Variants in GBE1 observed in about 807,000 individuals in gnomAD.
GBE1 encodes 1,4-alpha-glucan branching enzyme 1.
In GBE1, 70 loss-of-function variants were observed where a neutral mutation model predicts 88.8. The ratio of observed to expected loss-of-function variants is 0.79; its 90% CI spans 0.65 to 0.96. The LOEUF is 0.96. Ranked by LOEUF, GBE1 falls within the 40% of genes least tolerant of loss-of-function variation. The pLI is 0.00. For synonymous variants in GBE1, 284 were observed against 300.1 expected, an observed-to-expected ratio of 0.95 and a Z score of 0.56; for missense variants, 872 against 871.0, an observed-to-expected ratio of 1.00 and a Z score of -0.01.
At chr3:81,499,023 T>A (rs951322749) in intron 15 of GBE1, 87 bp downstream of exon 15, 90 of 765,994 alleles carry the variant, frequency 1.2e-4, no homozygotes, top group Non-Finnish European at 1.8e-4. Flanking sequence ...TGTTGCTTAT[T>A]TGAAGAGTTG....
At chr3:81,658,751 T>C (rs2107092342) in intron 3 of GBE1, among the ~76,000 whole-genome samples, 1 of 152,274 alleles carries the variant, frequency 6.6e-6, no homozygotes, top group East Asian at 1.9e-4. Flanking sequence ...TCAAGTACAT[T>C]ACCTGAACAA....
At chr3:81,620,704 T>C (rs550968932) in intron 7 of GBE1, among the ~76,000 whole-genome samples, 1 of 152,208 alleles carries the variant, frequency 6.6e-6, no homozygotes, top group East Asian at 1.9e-4. Flanking sequence ...CAATATTAGA[T>C]TTGTTTAAGT....
intron 2 of GBE1, among the ~76,000 whole-genome samples, chr3:81,675,300 C>A (rs952847377): frequency 6.6e-6 from 1 of 151,824 alleles, no homozygotes; most frequent in Admixed American, 6.6e-5. Context: ...ATAAATAATC[C>A]TTTGAGGCTA....
chr3:81,548,333 G>T (rs757431235), intron 12 of GBE1, among the ~76,000 whole-genome samples: 3 of 151,368 alleles, frequency 2.0e-5, no homozygotes, highest in East Asian at 1.9e-4. Flanking sequence ...TTAAGAATTG[G>T]TTTTAACATT....
At chr3:81,539,425 T>C (rs1318858018) in intron 12 of GBE1, among the ~76,000 whole-genome samples, 1 of 151,970 alleles carries the variant, frequency 6.6e-6, no homozygotes, top group Non-Finnish European at 1.5e-5. Context: ...TTTTGTACCT[T>C]ATATTGCAGG....
Position 81,544,972 on chromosome 3 carries a change from C to T in GBE1, c.1619-7877G>A, listed in dbSNP as rs377714845. Among the ~76,000 whole-genome samples the T allele has an allele frequency of 1.4e-3, 210 of 152,198 alleles. 2 individuals are homozygous for T. In the South Asian group the frequency reaches 0.02, roughly 15 times the overall value. On this transcript the variant is annotated intron_variant, in intron 12 of 15. Coordinates refer to ENST00000429644, the MANE Select transcript of GBE1 (RefSeq NM_000158.4). ...ATTAAAGTATATCAAAACCTCCATGCTGTGGATTTTACATAATTTGTTATT... is the reference window on the plus strand; with the variant it reads ...ATTAAAGTATATCAAAACCTCCATGTTGTGGATTTTACATAATTTGTTATT...
intron 14 of GBE1, among the ~76,000 whole-genome samples, chr3:81,518,454 C>G (rs1177605565): frequency 6.6e-6 from 1 of 151,390 alleles, no homozygotes; most frequent in East Asian, 1.9e-4. Flanking sequence ...TATATTAAGG[C>G]AATCTAAAAG....
At chr3:81,621,482 G>A (rs1442548087) in intron 7 of GBE1, among the ~76,000 whole-genome samples, 2 of 152,046 alleles carry the variant, frequency 1.3e-5, no homozygotes, top group Admixed American at 6.5e-5. Flanking sequence ...GTGACTTAAG[G>A]GAAGTCACAG....
intron 14 of GBE1, among the ~76,000 whole-genome samples, chr3:81,529,856 T>C (rs1264793236): frequency 6.6e-6 from 1 of 152,044 alleles, no homozygotes; most frequent in African/African-American, 2.4e-5. Flanking sequence ...GATATCTTTC[T>C]CTGGGCTTGG....
intron 7 of GBE1, among the ~76,000 whole-genome samples, chr3:81,597,435 AT>A (rs567744646): frequency 3.9e-4 from 57 of 147,060 alleles, no homozygotes; most frequent in African/African-American, 1.3e-3. Context: ...ATATATATAT[AT>A]ATCTCAAAAA....
At position 81,758,354 on chromosome 3, in the gene GBE1, A is replaced by T. The variant is rs185728465; in HGVS notation, c.143+3021T>A. ...AATGCCAATTCTCTGTTTCACCCAC[A>T]TGGCAAGCTGATGGGCACTGGCCAA... is the stretch of plus-strand genomic sequence containing the variant. On this transcript the variant is annotated intron_variant, in intron 1 of 15. Coordinates refer to ENST00000429644, the MANE Select transcript of GBE1 (RefSeq NM_000158.4). Among the ~76,000 whole-genome samples the T allele has an allele frequency of 1.6e-4, 24 of 152,348 alleles. No homozygotes were observed. The East Asian group carries it at 4.4e-3, about 28-fold the overall frequency.
chr3:81,661,348 C>G (rs1378070892), intron 3 of GBE1, among the ~76,000 whole-genome samples: 2 of 152,058 alleles, frequency 1.3e-5, no homozygotes, highest in Non-Finnish European at 2.9e-5. Context: ...GGAAACAGAA[C>G]TTTATGGACA....
intron 7 of GBE1, among the ~76,000 whole-genome samples, chr3:81,596,341 G>C (rs182601470): frequency 2.0e-5 from 3 of 151,896 alleles, no homozygotes; most frequent in Admixed American, 2.0e-4. Flanking sequence ...CAACGTGCAA[G>C]TTAGTTACAT....
chr3:81,536,298 C>G (rs187287870), intron 13 of GBE1, among the ~76,000 whole-genome samples: 1 of 151,418 alleles, frequency 6.6e-6, no homozygotes, highest in Non-Finnish European at 1.5e-5. Flanking sequence ...TGGATTATAA[C>G]GAAGACATAT....
chr3:81,535,335 T>C lies in GBE1; in HGVS notation c.1804-10A>G. The stretch of plus-strand genomic sequence containing the variant: ...TTTCACTCACGTAGGCCTGCAAGAA[T>C]TAGCACACATGTTACATTTAAATAA... On this transcript the variant is annotated splice_polypyrimidine_tract_variant and intron_variant, in intron 13 of 15. Transcript: ENST00000429644. 1 of 1,594,850 alleles carries C rather than the reference T, an allele frequency of 6.3e-7. No individual in the cohort carries two copies. The highest frequency in any genetic ancestry group is 1.1e-5 in the South Asian group (1 of 87,226).
chr3:81,735,850 AT>A (rs1706250858), intron 1 of GBE1, among the ~76,000 whole-genome samples: 1 of 152,114 alleles, frequency 6.6e-6, no homozygotes, highest in Non-Finnish European at 1.5e-5. Context: ...CACAGCTAGA[AT>A]TTCCCCAGTT....
At chr3:81,706,821 A>G (rs1433581714) in intron 1 of GBE1, among the ~76,000 whole-genome samples, 2 of 152,182 alleles carry the variant, frequency 1.3e-5, no homozygotes, top group Admixed American at 6.6e-5. Context: ...AAGGAAATAA[A>G]TGGAGGAATA....
At chr3:81,536,834 G>C in intron 13 of GBE1, 77 bp downstream of exon 13, 2 of 1,093,670 alleles carry the variant, frequency 1.8e-6, no homozygotes, top group South Asian at 3.1e-5. Flanking sequence ...GATCTGCATA[G>C]AGATTTAAAT....
In GBE1 at chr3:81,716,551, G is replaced by C. The variant is rs575952582; in HGVS notation, c.144-10938C>G. 3.3e-5 allele frequency among the ~76,000 whole-genome samples: 5 copies of C among 152,122 alleles called. No individual in the cohort carries two copies. The South Asian group carries it at 1.0e-3, about 32-fold the overall frequency. ...TTCAATTAACAAAAAACTGGACAAAGCCCATTTAGTGGTACCATTTAGAAA... is the reference window on the plus strand; with the variant it reads ...TTCAATTAACAAAAAACTGGACAAACCCCATTTAGTGGTACCATTTAGAAA... On this transcript the variant is annotated intron_variant, in intron 1 of 15. Transcript: ENST00000429644.
Sources: allele counts gnomAD v4.1 joint callset (sites outside exome capture counted in the v4.1 genomes callset), GRCh38; gene constraint gnomAD v4.1.1; transcripts MANE v1.5; gene names NCBI Gene and HGNC (gene_info 2026-07-23, HGNC 2026-07-21).